The following LSG1 variants were observed in gnomAD, a reference collection of about 807,000 sequenced individuals.
LSG1 encodes large subunit GTPase 1 homolog.
Under a neutral mutation model 82.6 loss-of-function variants are expected in LSG1, and 55 were observed. That is an observed-to-expected ratio of 0.67 (90% CI 0.54 to 0.83). The LOEUF is 0.83. LSG1 is among the 40% of genes least tolerant of loss of function. The pLI is 0.00. For missense variants in LSG1, 809 were observed against 807.9 expected (o/e 1.00, Z -0.02); for synonymous variants, 272 against 282.5 (o/e 0.96, Z 0.37).
intron 2 of LSG1, among the ~76,000 whole-genome samples, chr3:194,669,753 G>T (rs911643153): frequency 2.0e-5 from 3 of 152,110 alleles, no homozygotes; most frequent in African/African-American, 7.2e-5. Context: ...CCAACATGGT[G>T]AAACCCCATC....
intron 3 of LSG1, 57 bp from the exon 4 acceptor site, chr3:194,666,346 G>A (rs1052874866): frequency 1.3e-6 from 2 of 1,599,630 alleles, no homozygotes; most frequent in African/African-American, 1.3e-5. Context: ...AATAAAATAG[G>A]TAATTTGGAT....
chr3:194,652,296 T>C (rs1484557680), intron 8 of LSG1, among the ~76,000 whole-genome samples: 1 of 152,160 alleles, frequency 6.6e-6, no homozygotes, highest in Non-Finnish European at 1.5e-5. Flanking sequence ...AACTAATGCA[T>C]TTGTCATATT....
intron 7 of LSG1, among the ~76,000 whole-genome samples, chr3:194,658,367 G>A (rs1718850723): frequency 1.3e-5 from 2 of 152,182 alleles, no homozygotes; most frequent in South Asian, 2.1e-4. Flanking sequence ...GGCTGGTCTC[G>A]AACTCCCGAC....
At chr3:194,650,691 A>C in intron 10 of LSG1, 190 bp downstream of exon 10, 1 of 544,118 alleles carries the variant, frequency 1.8e-6, no homozygotes, top group Non-Finnish European at 3.1e-6. Flanking sequence ...CATTTCTTCA[A>C]GGCTACACTG....
At chr3:194,662,863 C>T (rs1225636375) in intron 5 of LSG1, among the ~76,000 whole-genome samples, 1 of 152,156 alleles carries the variant, frequency 6.6e-6, no homozygotes, top group Non-Finnish European at 1.5e-5. Flanking sequence ...ATAAAACTGA[C>T]CCCTGCCCAG....
intron 7 of LSG1, 54 bp downstream of exon 7, chr3:194,658,903 C>A: frequency 6.9e-7 from 1 of 1,457,452 alleles, no homozygotes; most frequent in Non-Finnish European, 9.3e-7. Flanking sequence ...AGCACATTAA[C>A]AAGAAATCAA....
intron 5 of LSG1, chr3:194,660,942 T>A (rs905567387): frequency 2.0e-5 from 9 of 456,048 alleles, no homozygotes; most frequent in African/African-American, 1.6e-4. Flanking sequence ...TCCTTCAGCC[T>A]CTGTGCTAGA....
In LSG1 at chr3:194,659,001, A is replaced by G. The variant is rs754801656; in HGVS notation, c.715T>C (p.Trp239Arg). 1 of 1,614,260 alleles carries G rather than the reference A, an allele frequency of 6.2e-7. No individual in the cohort carries two copies. The highest frequency in any genetic ancestry group is 1.1e-5 in the South Asian group (1 of 91,088). ...FEKEDVKVIFWSALAGAIPLN... is the reference protein window; with the variant it reads ...FEKEDVKVIFRSALAGAIPLN... Reference sequence around the variant, plus strand: ...GGAATGGCTCCGGCCAAAGCTGACCAGAAAATAACCTTCACATCTTCTTTT... The same window carrying G: ...GGAATGGCTCCGGCCAAAGCTGACCGGAAAATAACCTTCACATCTTCTTTT... The change falls in exon 7 of 14, where the codon TGG (tryptophan) becomes CGG (arginine). Residue 239 changes from tryptophan (W) to arginine (R), a missense_variant. Coordinates refer to ENST00000265245, the MANE Select transcript of LSG1 (RefSeq NM_018385.3).
At position 194,654,098 on chromosome 3, in the gene LSG1, T is replaced by TTTTTTTTTTTTTTTTTTTTTTTGAG. The variant is rs1560223805; in HGVS notation, c.760-957_760-956insCTCAAAAAAAAAAAAAAAAAAAAAA. 2.0e-5 allele frequency among the ~76,000 whole-genome samples: 3 copies of TTTTTTTTTTTTTTTTTTTTTTTGAG among 152,358 alleles called. No homozygotes were observed. In the East Asian group the frequency reaches 5.8e-4, roughly 29 times the overall value. The stretch of plus-strand genomic sequence containing the variant: ...GCAGTTCATTTTACATTTGTATTTT[T>TTTTTTTTTTTTTTTTTTTTTTTGAG]AAAGACGGTGGTTGGCATGTTTAAA... On this transcript the variant is annotated intron_variant, in intron 7 of 13. Coordinates refer to ENST00000265245, the MANE Select transcript of LSG1 (RefSeq NM_018385.3).
chr3:194,644,678 T>G lies in LSG1; in HGVS notation c.1692A>C (p.Arg564=). Reference sequence around the variant, plus strand: ...CACTGTTCATTTTGTTCTCTAGGAGTCGCTGGTGTTGATGCTGAAAAGTTA... The same window carrying G: ...CACTGTTCATTTTGTTCTCTAGGAGGCGCTGGTGTTGATGCTGAAAAGTTA... ...DPVTFQHQHQ[R]LLENKMNSDE... The change falls in exon 13 of 14, where the codon CGA becomes CGC. Residue 564 remains arginine (R), a synonymous_variant. Transcript: ENST00000265245. The G allele has an allele frequency of 3.1e-6, 5 of 1,610,664 alleles. No homozygotes were observed. Among genetic ancestry groups the G allele is most frequent in the Non-Finnish European group, 4.2e-6 (5 of 1,178,170 alleles).
intron 7 of LSG1, among the ~76,000 whole-genome samples, 189 bp from the exon 8 acceptor site, chr3:194,653,331 A>G (rs1718719383): frequency 6.6e-6 from 1 of 152,028 alleles, no homozygotes; most frequent in South Asian, 2.1e-4. Context: ...GCTGACCAAC[A>G]TGGTGAAACC....
intron 2 of LSG1, among the ~76,000 whole-genome samples, chr3:194,666,782 G>A (rs942029275): frequency 2.0e-4 from 31 of 152,104 alleles, no homozygotes; most frequent in African/African-American, 7.0e-4. Flanking sequence ...CTTTTTGACT[G>A]CCACACAGTA....
At position 194,642,366 on chromosome 3, in the gene LSG1, C is replaced by G. The variant is rs375429285; in HGVS notation, c.1798-119G>C. The stretch of plus-strand genomic sequence containing the variant: ...AGGAGTCAGTCACTGGGTGAACTTC[C>G]GCCCCCCTCCCCTTCACTGGTCCTC... On this transcript the variant is annotated intron_variant, in intron 13 of 13. Coordinates refer to ENST00000265245, the MANE Select transcript of LSG1 (RefSeq NM_018385.3). 5.6e-6 allele frequency: 4 copies of G among 714,076 alleles called. No homozygotes were observed. The African/African-American group carries it at 7.2e-5, about 13-fold the overall frequency. 44.2% of individuals were successfully genotyped at this position (714,076 alleles called of 1,614,324 possible).
chr3:194,648,309 G>A (rs1294263330), intron 11 of LSG1, among the ~76,000 whole-genome samples: 1 of 151,968 alleles, frequency 6.6e-6, no homozygotes, highest in Non-Finnish European at 1.5e-5. Flanking sequence ...CCGTCTCTGA[G>A]GGGTCTCCCT....
chr3:194,648,917 TCTCCA>T, intron 10 of LSG1, 113 bp from the exon 11 acceptor site: 1 of 1,039,326 alleles, frequency 9.6e-7, no homozygotes. Flanking sequence ...CACTCTCTCC[TCTCCA>T]AAGGAAGAGG....
chr3:194,657,504 A>G (rs1005057029), intron 7 of LSG1, among the ~76,000 whole-genome samples: 1 of 145,316 alleles, frequency 6.9e-6, no homozygotes, highest in African/African-American at 2.5e-5. Flanking sequence ...GGTTGCTCAC[A>G]GGTTTAATGA....
rs929934320 is a variant in LSG1 at position 194,648,711 on chromosome 3, T to C, written c.1513A>G (p.Thr505Ala). The change falls in exon 11 of 14, where the codon ACA (threonine) becomes GCA (alanine). Residue 505 changes from threonine to alanine, a missense_variant. Thr to Ala is a moderately conservative substitution (Grantham distance 58, BLOSUM62 0). Coordinates refer to ENST00000265245, the MANE Select transcript of LSG1 (RefSeq NM_018385.3). The part of the protein sequence containing the change: ...REDEDPHRPP[T>A]SEELLTAYGY... Reference sequence around the variant, plus strand: ...TAAGCTGTCAACAGTTCTTCCGATGTTGGAGGTCGGTGGGGATCTTCATCC... The same window carrying C: ...TAAGCTGTCAACAGTTCTTCCGATGCTGGAGGTCGGTGGGGATCTTCATCC... The C allele has an allele frequency of 1.9e-6, 3 of 1,614,060 alleles. No homozygotes were observed. The highest frequency in any genetic ancestry group is 2.5e-6 in the Non-Finnish European group (3 of 1,180,018).
Position 194,644,793 on chromosome 3 carries a change from G to T in LSG1, c.1624-47C>A, listed in dbSNP as rs754108947. The T allele has an allele frequency of 4.7e-5, 72 of 1,516,348 alleles. 1 individual carries two copies. The South Asian group carries it at 8.8e-4, about 18-fold the overall frequency. 93.9% of individuals were successfully genotyped at this position (1,516,348 alleles called of 1,614,324 possible). ...CAACAGTGCAGCCTAAGTGCCATCTGTGGCCTCAGAGGAGACAGCTCCACC... is the reference window on the plus strand; with the variant it reads ...CAACAGTGCAGCCTAAGTGCCATCTTTGGCCTCAGAGGAGACAGCTCCACC... On this transcript the variant is annotated intron_variant, in intron 12 of 13. Coordinates refer to ENST00000265245, the MANE Select transcript of LSG1 (RefSeq NM_018385.3).
At position 194,642,062 on chromosome 3, in the gene LSG1, C is replaced by G; in HGVS notation, c.*6G>C. On this transcript the variant is annotated 3_prime_UTR_variant, in exon 14 of 14. Transcript: ENST00000265245. ...ATGCAGATGACATTTCTGTTGCAGC[C>G]CAACCTCACATATCCAGGTGCTTGT... The G allele has an allele frequency of 6.2e-7, 1 of 1,611,398 alleles. No individual in the cohort carries two copies. The highest frequency in any genetic ancestry group is 8.5e-7 in the Non-Finnish European group (1 of 1,179,624).
Sources: gnomAD v4.1 joint callset for allele counts (sites outside exome capture counted in the v4.1 genomes callset) on GRCh38, gnomAD v4.1.1 for gene constraint, MANE v1.5 for transcripts, NCBI Gene and HGNC (gene_info 2026-07-23, HGNC 2026-07-21) for gene names.